The following PNMA6E variants were observed in gnomAD, a reference collection of about 807,000 sequenced individuals.
PNMA6E encodes paraneoplastic antigen Ma6E.
For synonymous variants in PNMA6E, 43 were observed against 17.1 expected, an observed-to-expected ratio of 2.52 and a Z score of -3.74; for missense variants, 78 against 50.8, an observed-to-expected ratio of 1.53 and a Z score of -1.63.
rs782486108 is a variant in PNMA6E, at chrX:153,398,637, C to T, written c.213G>A (p.Glu71=). The T allele has an allele frequency of 1.2e-5, 4 of 332,326 alleles. No individual in the cohort carries two copies. Among genetic ancestry groups the T allele is most frequent in the Non-Finnish European group, 2.1e-5 (4 of 192,501 alleles). 27.4% of individuals were successfully genotyped at this position (332,326 alleles called of 1,213,427 possible). A position where few individuals can be genotyped will look rare whatever the true frequency, so the allele number is the denominator to read the frequency against. The part of the protein sequence containing the change: ...GAKAALVEFA[E]YLNRSLIPHQ... ...GGGGAATCAAGCTTCGGTTTAAATA[C>T]TCAGCGAACTCCACCAAGGCTGCCT... The change falls in exon 2 of 2, where the codon GAG becomes GAA. Residue 71 remains glutamate (E), a synonymous_variant. Coordinates refer to ENST00000445091, the MANE Select transcript of PNMA6E (RefSeq NM_001367770.1).
chrX:153,405,561 C>G (rs183553338), upstream of PNMA6E, among the ~76,000 whole-genome samples: 80 of 94,658 alleles, frequency 8.5e-4, no homozygotes, highest in South Asian at 5.8e-3. Flanking sequence ...CTCTCCCTTT[C>G]CCCACCCTTC....
At position 153,397,248 on chromosome X, in the gene PNMA6E, G is replaced by A. The variant is rs113763210; in HGVS notation, c.1602C>T (p.Pro534=). Reference sequence around the variant, plus strand: ...CGGCCTCGGCAGCATCTTCTGCTCCGGGACCAGCCTCGCTGGCATTCCCCT... The same window carrying A: ...CGGCCTCGGCAGCATCTTCTGCTCCAGGACCAGCCTCGCTGGCATTCCCCT... ...PAQGNASEAG[P]GAEDAAEAAS... Residue 534 remains proline (P), a synonymous_variant, in exon 2 of 2, where the codon CCC becomes CCT. Transcript: ENST00000445091. 1,981 of 296,835 alleles carry A rather than the reference G, an allele frequency of 6.7e-3. 12 individuals carry two copies. The highest frequency in any genetic ancestry group is 0.018 in the African/African-American group (664 of 36,786). 24.5% of individuals were successfully genotyped at this position (296,835 alleles called of 1,213,427 possible).
the PNMA6E span, among the ~76,000 whole-genome samples, chrX:153,410,529 CT>C: frequency 2.7e-5 from 3 of 112,195 alleles, no homozygotes; most frequent in Admixed American, 9.3e-5. Context: ...ACTGGGCCCC[CT>C]GGGGGCCCTG....
chrX:153,397,440 T>C lies in PNMA6E; in HGVS notation c.1410A>G (p.Arg470=). 1 of 298,139 alleles carries C rather than the reference T, an allele frequency of 3.4e-6. No homozygotes were observed. Among genetic ancestry groups the C allele is most frequent in the Non-Finnish European group, 5.9e-6 (1 of 170,407 alleles). The allele number at this position is 298,139 out of a possible 1,213,427, so 24.6% of individuals were successfully genotyped here. Residue 470 remains arginine, a synonymous_variant, in exon 2 of 2, where the codon AGA becomes AGG. Transcript: ENST00000445091. ...RPSEALQDTL[R]GMQLEKRPPG... ...GTGGCCTCTTCTCCAGCTGCATCCC[T>C]CTCAGGGTATCCTGGAGTGCCTCGC...
upstream of PNMA6E, among the ~76,000 whole-genome samples, chrX:153,403,146 C>T (rs868916768): frequency 6.2e-4 from 70 of 112,081 alleles, no homozygotes; most frequent in African/African-American, 2.2e-3. Context: ...TCCCTTCTCT[C>T]CTAGGAGTCC....
intron 1 of PNMA6E, among the ~76,000 whole-genome samples, chrX:153,400,728 C>T (rs2088844184): frequency 9.1e-6 from 1 of 110,117 alleles, no homozygotes. Flanking sequence ...GCGCCTCAGA[C>T]CCAGGCTGGG....
At chrX:153,412,640 T>G in the PNMA6E span, among the ~76,000 whole-genome samples, 1,543 of 111,592 alleles carry the variant, frequency 0.014, 26 homozygotes, top group African/African-American at 0.048. Context: ...TGGAAGAGCA[T>G]TCTAGGCACA....
chrX:153,407,209 C>T, the PNMA6E span, among the ~76,000 whole-genome samples: 1 of 112,624 alleles, frequency 8.9e-6, no homozygotes, highest in African/African-American at 3.2e-5. Context: ...ATGGCTAAGC[C>T]TTCTCCTCTG....
the PNMA6E span, among the ~76,000 whole-genome samples, chrX:153,413,556 G>C: frequency 9.1e-6 from 1 of 110,079 alleles, no homozygotes; most frequent in African/African-American, 3.3e-5. Flanking sequence ...GAGGCGCCAA[G>C]GTCTGGTGGA....
chrX:153,398,053 C>CCT lies in PNMA6E; in HGVS notation c.796_797insAG (p.Gly266GlufsTer33). 2 of 450,546 alleles carry CCT rather than the reference C, an allele frequency of 4.4e-6. No homozygotes were observed. The highest frequency in any genetic ancestry group is 3.6e-5 in the Admixed American group (1 of 27,685). 37.1% of individuals were successfully genotyped at this position (450,546 alleles called of 1,213,427 possible). On this transcript the variant is annotated frameshift_variant, in exon 2 of 2. Transcript: ENST00000445091. LOFTEE classifies it low-confidence loss of function (END_TRUNC). ...TGCCTCACCTGCTGCTCCTGCCTCA[C>CCT]CCACAGCTCCTGCCTCACCTGCTGC...
the PNMA6E span, among the ~76,000 whole-genome samples, chrX:153,407,547 T>C: frequency 9.0e-6 from 1 of 111,155 alleles, no homozygotes; most frequent in East Asian, 2.8e-4. Flanking sequence ...AACTTTTTTA[T>C]GTTTTGTAGA....
the PNMA6E span, among the ~76,000 whole-genome samples, chrX:153,411,080 C>T: frequency 8.9e-6 from 1 of 111,796 alleles, no homozygotes; most frequent in South Asian, 3.8e-4. Flanking sequence ...CTTCCCCGCT[C>T]TCTGATCCTT....
At chrX:153,410,755 C>T in the PNMA6E span, among the ~76,000 whole-genome samples, 2 of 112,921 alleles carry the variant, frequency 1.8e-5, no homozygotes, top group East Asian at 5.6e-4. Context: ...TCCCAGTGGC[C>T]GGGGCTGGGA....
chrX:153,400,313 G>A (rs1157139842), intron 1 of PNMA6E, among the ~76,000 whole-genome samples: 1 of 112,467 alleles, frequency 8.9e-6, no homozygotes, highest in African/African-American at 3.2e-5. Context: ...ACCGTCGCCT[G>A]TACCACTGGC....
chrX:153,411,804 G>A, the PNMA6E span, among the ~76,000 whole-genome samples: 17,183 of 111,885 alleles, frequency 0.15, 1,210 homozygotes, highest in East Asian at 0.35. Context: ...CTGCGGCGGC[G>A]GCGACAAGCA....
chrX:153,413,053 C>A, the PNMA6E span, among the ~76,000 whole-genome samples: 4 of 111,036 alleles, frequency 3.6e-5, no homozygotes, highest in African/African-American at 1.3e-4. Flanking sequence ...TCCAGCCGTT[C>A]TGCCAGGTGG....
the PNMA6E span, among the ~76,000 whole-genome samples, chrX:153,408,109 T>C: frequency 1.8e-5 from 2 of 112,498 alleles, no homozygotes; most frequent in Non-Finnish European, 3.8e-5. Context: ...GTGATCAGAC[T>C]GGGAGAGTCA....
rs554763562 is a variant in PNMA6E at position 153,396,577 on chromosome X, G to T, written c.*329C>A. The T allele has an allele frequency of 4.8e-4, 65 of 134,769 alleles. No homozygotes were observed. Among genetic ancestry groups the T allele is most frequent in the Middle Eastern group, 6.2e-3 (2 of 325 alleles). 11.1% of individuals were successfully genotyped at this position (134,769 alleles called of 1,213,427 possible). ...CTCCCAACTCACGGCCTGGGTTGGG[G>T]GCAGACATCTTCAGGTGCCCCCACC... On this transcript the variant is annotated 3_prime_UTR_variant, in exon 2 of 2. Coordinates refer to ENST00000445091, the MANE Select transcript of PNMA6E (RefSeq NM_001367770.1).
Position 153,398,838 on chromosome X carries a change from C to T in PNMA6E, c.12G>A (p.Ala4=). ...TCCACCTGCACCAGTCCCGAAGCAT[C>T]GCCAGAGCCATCGCAGAGGACTTGA... The part of the protein sequence containing the change: MAL[A]MLRDWCRWMG... Residue 4 remains alanine (A), a synonymous_variant, in exon 2 of 2, where the codon GCG becomes GCA. Coordinates refer to ENST00000445091, the MANE Select transcript of PNMA6E (RefSeq NM_001367770.1). The T allele has an allele frequency of 6.7e-6, 2 of 299,977 alleles. No individual in the cohort carries two copies. Among genetic ancestry groups the T allele is most frequent in the East Asian group, 4.7e-5 (1 of 21,105 alleles). 24.7% of individuals were successfully genotyped at this position (299,977 alleles called of 1,213,427 possible). A position where few individuals can be genotyped will look rare whatever the true frequency, so the allele number is the denominator to read the frequency against.
Sources: gnomAD v4.1 joint callset for allele counts (sites outside exome capture counted in the v4.1 genomes callset) on GRCh38, gnomAD v4.1.1 for gene constraint, MANE v1.5 for transcripts, NCBI Gene and HGNC (gene_info 2026-07-23, HGNC 2026-07-21) for gene names.